The following ARPP21 variants were observed in gnomAD, a reference collection of about 807,000 sequenced individuals.
ARPP21 encodes cAMP-regulated phosphoprotein 21.
In ARPP21, 69 loss-of-function variants were observed where a neutral mutation model predicts 113.2. That is an observed-to-expected ratio of 0.61 (90% CI 0.50 to 0.74). ARPP21 has a LOEUF of 0.74. Ranked by LOEUF, ARPP21 falls within the 30% of genes least tolerant of loss-of-function variation. The pLI, the probability that ARPP21 is intolerant of heterozygous loss-of-function variation, is 0.00. For synonymous variants in ARPP21, 368 were observed against 375.5 expected (o/e 0.98, Z 0.23); for missense variants, 1,070 against 1,037.4 (o/e 1.03, Z -0.43).
At chr3:35,690,320 A>T (rs2081877837) in intron 8 of ARPP21, among the ~76,000 whole-genome samples, 180 bp downstream of exon 8, 1 of 151,446 alleles carries the variant, frequency 6.6e-6, no homozygotes, top group Non-Finnish European at 1.5e-5. Context: ...TGTTGCTTGG[A>T]CCATGTGTGC....
chr3:35,656,693 A>G (rs1031480456), intron 1 of ARPP21, among the ~76,000 whole-genome samples: 5 of 152,036 alleles, frequency 3.3e-5, no homozygotes, highest in Non-Finnish European at 7.4e-5. Context: ...GGGTCGTATG[A>G]GGAAGTTAAA....
intron 1 of ARPP21, among the ~76,000 whole-genome samples, chr3:35,659,718 T>C (rs1443583851): frequency 1.3e-5 from 2 of 152,170 alleles, no homozygotes; most frequent in African/African-American, 4.8e-5. Context: ...CTCATTTTGT[T>C]GGTTAATATA....
intron 19 of ARPP21, among the ~76,000 whole-genome samples, chr3:35,784,133 A>G (rs1482619794): frequency 3.3e-5 from 5 of 152,178 alleles, no homozygotes; most frequent in Admixed American, 3.3e-4. Flanking sequence ...AGCTCTGTAA[A>G]TGGCTTTTAT....
At chr3:35,708,853 T>A (rs1270519573) in intron 10 of ARPP21, 116 bp from the exon 11 acceptor site, 2 of 702,088 alleles carry the variant, frequency 2.8e-6, no homozygotes, top group African/African-American at 1.8e-5. Context: ...AGAATGAGAT[T>A]TTTCAGGCTC....
chr3:35,686,955 A>C (rs2080802000), intron 5 of ARPP21, among the ~76,000 whole-genome samples: 1 of 151,482 alleles, frequency 6.6e-6, no homozygotes, highest in Non-Finnish European at 1.5e-5. Context: ...AATGCTGTAA[A>C]TGGCCAATCT....
At chr3:35,759,676 C>CTGTGGGTGTGTG (rs2095695424) in intron 19 of ARPP21, among the ~76,000 whole-genome samples, 1 of 140,794 alleles carries the variant, frequency 7.1e-6, no homozygotes, top group Non-Finnish European at 1.6e-5. Flanking sequence ...TTTTCTCTCT[C>CTGTGGGTGTGTG]TGTGTGTGTG....
At chr3:35,724,743 T>G (rs1228511538) in intron 14 of ARPP21, among the ~76,000 whole-genome samples, 1 of 152,222 alleles carries the variant, frequency 6.6e-6, no homozygotes, top group East Asian at 1.9e-4. Context: ...GAGTGTTTTT[T>G]GATCCAATGC....
intron 19 of ARPP21, among the ~76,000 whole-genome samples, chr3:35,777,253 A>C (rs933301953): frequency 6.6e-6 from 1 of 152,196 alleles, no homozygotes; most frequent in East Asian, 1.9e-4. Flanking sequence ...AACTAATGGT[A>C]ACTACTACAC....
At chr3:35,639,115 G>C (rs973620249), upstream of ARPP21, 1 of 152,264 alleles carries the variant, frequency 6.6e-6, no homozygotes, top group African/African-American at 2.4e-5. The surrounding 1 kb of genome is among the most constrained non-coding windows in gnomAD (Gnocchi z 5.0). Context: ...GGCGGGGCAG[G>C]GGGCAACGTG....
chr3:35,761,026 A>C (rs2095755875), intron 19 of ARPP21, among the ~76,000 whole-genome samples: 1 of 152,086 alleles, frequency 6.6e-6, no homozygotes, highest in Non-Finnish European at 1.5e-5. Context: ...CGCTTTTCTA[A>C]AATGCATTCT....
chr3:35,677,090 C>A (rs897180315), intron 1 of ARPP21, among the ~76,000 whole-genome samples: 2 of 151,818 alleles, frequency 1.3e-5, no homozygotes, highest in African/African-American at 4.8e-5. Context: ...GGTTAATATT[C>A]GTCCTTCTCT....
At chr3:35,712,720 A>C (rs1029705495) in intron 11 of ARPP21, among the ~76,000 whole-genome samples, 1 of 152,172 alleles carries the variant, frequency 6.6e-6, no homozygotes, top group Admixed American at 6.5e-5. Flanking sequence ...ATTATTTGAG[A>C]ACTAAATAGT....
intron 7 of ARPP21, 65 bp from the exon 8 acceptor site, chr3:35,690,016 A>T: frequency 1.3e-6 from 1 of 766,566 alleles, no homozygotes; most frequent in South Asian, 1.4e-5. Context: ...ACATTTAATT[A>T]ATTCTTTAGG....
intron 15 of ARPP21, among the ~76,000 whole-genome samples, chr3:35,734,770 C>G (rs1362406820): frequency 2.0e-5 from 3 of 152,182 alleles, no homozygotes; most frequent in Non-Finnish European, 2.9e-5. Flanking sequence ...GCATTTTCCT[C>G]CCCAACCTGC....
At chr3:35,660,249 G>A (rs1247402389) in intron 1 of ARPP21, among the ~76,000 whole-genome samples, 1 of 152,048 alleles carries the variant, frequency 6.6e-6, no homozygotes, top group Non-Finnish European at 1.5e-5. Context: ...GAGAACACAG[G>A]GGGCTGGTCT....
At chr3:35,739,062 G>A (rs1406919722) in intron 17 of ARPP21, among the ~76,000 whole-genome samples, 3 of 152,116 alleles carry the variant, frequency 2.0e-5, no homozygotes, top group Non-Finnish European at 2.9e-5. Context: ...AAAATAATTT[G>A]TTTCCATTGA....
At chr3:35,776,129 G>T (rs940942566) in intron 19 of ARPP21, among the ~76,000 whole-genome samples, 12 of 151,952 alleles carry the variant, frequency 7.9e-5, no homozygotes, top group African/African-American at 2.7e-4. Context: ...TTTATTAAAT[G>T]GGGAAAAGTA....
intron 18 of ARPP21, among the ~76,000 whole-genome samples, chr3:35,742,546 CAT>C (rs1341383662): frequency 2.0e-5 from 3 of 152,162 alleles, no homozygotes; most frequent in African/African-American, 7.2e-5. Context: ...CTTGAATATC[CAT>C]ATGTTATGTA....
chr3:35,782,127 T>C (rs2096538846), intron 19 of ARPP21, among the ~76,000 whole-genome samples: 1 of 152,180 alleles, frequency 6.6e-6, no homozygotes, highest in African/African-American at 2.4e-5. Context: ...GTACATATGC[T>C]CAAATATGTA....
Sources: allele counts gnomAD v4.1 joint callset (sites outside exome capture counted in the v4.1 genomes callset), GRCh38; gene constraint gnomAD v4.1.1; non-coding constraint Gnocchi (gnomAD v3.1); transcripts MANE v1.5; gene names NCBI Gene and HGNC (gene_info 2026-07-23, HGNC 2026-07-21).